The following SERGEF variants were observed in gnomAD, a reference collection of about 807,000 sequenced individuals.
SERGEF encodes the protein secretion-regulating guanine nucleotide exchange factor.
In SERGEF, 51 loss-of-function variants were observed where a neutral mutation model predicts 50.0. The ratio of observed to expected loss-of-function variants is 1.02; its 90% CI spans 0.81 to 1.29. SERGEF has a LOEUF of 1.29. SERGEF is among the 50% of genes most tolerant of loss of function. SERGEF has a pLI of 0.00. For synonymous variants in SERGEF, 205 were observed against 212.4 expected (o/e 0.97, Z 0.30); for missense variants, 521 against 557.0 (o/e 0.94, Z 0.65).
intron 9 of SERGEF, among the ~76,000 whole-genome samples, chr11:17,924,996 T>G (rs532848223): frequency 1.3e-4 from 20 of 152,270 alleles, no homozygotes; most frequent in African/African-American, 4.3e-4. Flanking sequence ...GGCCAGCAAT[T>G]TTTTATTCAC....
chr11:17,860,610 G>A (rs1401874731), intron 10 of SERGEF, among the ~76,000 whole-genome samples: 2 of 152,106 alleles, frequency 1.3e-5, no homozygotes, highest in African/African-American at 4.8e-5. Context: ...TTAGTATTTA[G>A]AAAATTTTTA....
At chr11:17,869,097 C>T (rs1413595871) in intron 10 of SERGEF, among the ~76,000 whole-genome samples, 1 of 151,894 alleles carries the variant, frequency 6.6e-6, no homozygotes, top group Non-Finnish European at 1.5e-5. Context: ...CCACGTATCC[C>T]GATTTTTAGG....
chr11:17,997,294 C>T (rs1853855346), intron 5 of SERGEF, among the ~76,000 whole-genome samples: 2 of 152,182 alleles, frequency 1.3e-5, no homozygotes, highest in Admixed American at 1.3e-4. Context: ...TGAAAAGATG[C>T]TAACATTGCT....
At chr11:17,850,780 C>G (rs931977675) in intron 10 of SERGEF, among the ~76,000 whole-genome samples, 1 of 152,164 alleles carries the variant, frequency 6.6e-6, no homozygotes, top group African/African-American at 2.4e-5. Context: ...TACACTTGCA[C>G]ACATCTTTCA....
chr11:17,881,779 C>T lies in SERGEF; in HGVS notation c.1012-3535G>A, dbSNP rs1477861249. Among the ~76,000 whole-genome samples, 5 of 152,164 alleles carry T rather than the reference C, an allele frequency of 3.3e-5. No homozygotes were observed. The South Asian group carries it at 6.2e-4, about 19-fold the overall frequency. ...CCTGCCTTACAGACTCGCTAGAGGA[C>T]AAATGAGACAATTTATCCCCTTACA... On this transcript the variant is annotated intron_variant, in intron 9 of 10. Coordinates refer to ENST00000265965, the MANE Select transcript of SERGEF (RefSeq NM_012139.4).
At chr11:17,986,869 GT>G (rs1853610978) in intron 8 of SERGEF, among the ~76,000 whole-genome samples, 2 of 152,216 alleles carry the variant, frequency 1.3e-5, no homozygotes, top group Admixed American at 1.3e-4. Flanking sequence ...ATACTGGAAT[GT>G]AGTAAAATTT....
At chr11:17,824,233 G>A (rs1385919513) in intron 10 of SERGEF, among the ~76,000 whole-genome samples, 5 of 151,892 alleles carry the variant, frequency 3.3e-5, no homozygotes, top group South Asian at 4.2e-4. Context: ...CCCAGGAGGC[G>A]GAGCTTGCAG....
chr11:17,954,788 G>C (rs960751657), intron 9 of SERGEF, among the ~76,000 whole-genome samples: 1 of 152,206 alleles, frequency 6.6e-6, no homozygotes, highest in Non-Finnish European at 1.5e-5. Flanking sequence ...CATGACTCAG[G>C]ACTGTGGCTG....
At chr11:17,866,826 C>G (rs548405704) in intron 10 of SERGEF, 6 of 152,310 alleles carry the variant, frequency 3.9e-5, no homozygotes, top group African/African-American at 1.4e-4. Context: ...ACAATCGTGG[C>G]AGAAGACAAG....
intron 10 of SERGEF, among the ~76,000 whole-genome samples, chr11:17,815,436 T>TAAAAAAAA (rs763972184): frequency 2.8e-5 from 3 of 108,368 alleles, no homozygotes; most frequent in Non-Finnish European, 5.4e-5. Flanking sequence ...CCATCTCTAC[T>TAAAAAAAA]AAAAAAAAAA....
intron 9 of SERGEF, among the ~76,000 whole-genome samples, chr11:17,922,194 C>T (rs1355886073): frequency 6.6e-6 from 1 of 152,194 alleles, no homozygotes; most frequent in Admixed American, 6.5e-5. Flanking sequence ...CAGAAAACCA[C>T]TCCTGTCTAC....
intron 10 of SERGEF, among the ~76,000 whole-genome samples, chr11:17,858,161 A>G (rs980651583): frequency 1.3e-5 from 2 of 152,216 alleles, no homozygotes; most frequent in South Asian, 2.1e-4. Flanking sequence ...GCGTTGCCTG[A>G]AAGTATATTT....
intron 10 of SERGEF, among the ~76,000 whole-genome samples, chr11:17,822,641 A>G (rs1850106142): frequency 1.3e-5 from 2 of 152,190 alleles, no homozygotes; most frequent in African/African-American, 4.8e-5. Context: ...TGAAGCACCC[A>G]AAGCCATCCC....
At position 17,869,532 on chromosome 11, in the gene SERGEF, G is replaced by A. The variant is rs534037086; in HGVS notation, c.1048+8676C>T. Among the ~76,000 whole-genome samples, 88 of 152,272 alleles carry A rather than the reference G, an allele frequency of 5.8e-4. No individual in the cohort carries two copies. In the South Asian group the frequency reaches 0.013, roughly 22 times the overall value. On this transcript the variant is annotated intron_variant, in intron 10 of 10. Transcript: ENST00000265965. ...CAGCTGATCTGATGGTATATAGTGA[G>A]GGCCTATTCCTTTTAGATGGCACCT...
At chr11:17,855,959 A>G (rs1192752955) in intron 10 of SERGEF, 1 of 152,156 alleles carries the variant, frequency 6.6e-6, no homozygotes. Flanking sequence ...AATTCTATAA[A>G]CCCAACATTC....
rs762174508 is a variant in SERGEF, at chr11:17,788,370, G to A, written c.1092C>T (p.Cys364=). ...YSWGWNEHGM[C]GDGTEANVWA... ...AGACGTTGGCTTCAGTGCCATCTCC[G>A]CACATGCCATGCTCATTCCAGCCCC... Residue 364 remains cysteine, a synonymous_variant, in exon 11 of 11, where the codon TGC becomes TGT. Transcript: ENST00000265965. The A allele has an allele frequency of 1.7e-5, 27 of 1,613,574 alleles. No individual in the cohort carries two copies. The highest frequency in any genetic ancestry group is 1.2e-4 in the Admixed American group (7 of 59,996).
chr11:17,903,790 G>C (rs1270321384), intron 9 of SERGEF, among the ~76,000 whole-genome samples: 1 of 152,238 alleles, frequency 6.6e-6, no homozygotes, highest in Non-Finnish European at 1.5e-5. Context: ...GAGGCACACT[G>C]AAGCTGCCTG....
intron 10 of SERGEF, among the ~76,000 whole-genome samples, chr11:17,858,152 C>T (rs183439196): frequency 5.3e-5 from 8 of 152,256 alleles, no homozygotes; most frequent in Non-Finnish European, 8.8e-5. Flanking sequence ...AAATCAGAGG[C>T]GTTGCCTGAA....
rs1393424881 is a variant in SERGEF, at chr11:17,858,910, T to C, written c.1048+19298A>G. On this transcript the variant is annotated intron_variant, in intron 10 of 10. Coordinates refer to ENST00000265965, the MANE Select transcript of SERGEF (RefSeq NM_012139.4). ...AATCCCTGATAGAGGGATGCAGCCATGGCAGGTAAGCAGGGAGAAGCTAGG... is the reference window on the plus strand; with the variant it reads ...AATCCCTGATAGAGGGATGCAGCCACGGCAGGTAAGCAGGGAGAAGCTAGG... Among the ~76,000 whole-genome samples the C allele has an allele frequency of 3.9e-5, 6 of 152,214 alleles. No homozygotes were observed. The East Asian group carries it at 1.2e-3, about 29-fold the overall frequency.
Sources: allele counts gnomAD v4.1 joint callset (sites outside exome capture counted in the v4.1 genomes callset), GRCh38; gene constraint gnomAD v4.1.1; transcripts MANE v1.5; gene names NCBI Gene and HGNC (gene_info 2026-07-23, HGNC 2026-07-21).